DMRTB1: variants seen among roughly 807,000 people sequenced by gnomAD.
The protein encoded by DMRTB1 is doublesex- and mab-3-related transcription factor B1.
DMRTB1 carries 9 observed loss-of-function variants against 25.2 expected under a neutral mutation model. The observed-to-expected ratio is 0.36, with a 90% confidence interval of 0.22 to 0.62. The LOEUF is 0.62. DMRTB1 is among the 20% of genes least tolerant of loss of function. The pLI, the probability that DMRTB1 is intolerant of heterozygous loss-of-function variation, is 0.71. For synonymous variants in DMRTB1, 269 were observed against 238.1 expected (o/e 1.13, Z -1.20); for missense variants, 551 against 499.3 (o/e 1.10, Z -0.99).
intron 3 of DMRTB1, 36 bp downstream of exon 3, chr1:53,464,883 C>T (rs1284022788): frequency 5.6e-6 from 9 of 1,612,078 alleles, no homozygotes; most frequent in Non-Finnish European, 5.9e-6. Flanking sequence ...TCAGCGAGAG[C>T]CAGGGAGACT....
Position 53,459,465 on chromosome 1 carries a change from A to G in DMRTB1, c.12A>G (p.Lys4=). The G allele has an allele frequency of 6.2e-7, 1 of 1,613,072 alleles. No homozygotes were observed. Among genetic ancestry groups the G allele is most frequent in the Non-Finnish European group, 8.5e-7 (1 of 1,179,962 alleles). The part of the protein sequence containing the change: MAD[K]MVRTPKCSRC... ...GGCTGACCCTGCCAATGGCCGACAA[A>G]ATGGTGCGCACCCCCAAGTGCTCGA... The change falls in exon 1 of 4, where the codon AAA becomes AAG. Residue 4 remains lysine (K), a synonymous_variant. Transcript: ENST00000371445.
chr1:53,466,838 TG>T lies in DMRTB1; in HGVS notation c.*177del. The T allele has an allele frequency of 1.5e-6, 1 of 656,864 alleles. No homozygotes were observed. The highest frequency in any genetic ancestry group is 2.6e-6 in the Non-Finnish European group (1 of 381,458). The allele number at this position is 656,864 out of a possible 1,614,324, so 40.7% of individuals were successfully genotyped here. On this transcript the variant is annotated 3_prime_UTR_variant, in exon 4 of 4. Coordinates refer to ENST00000371445, the MANE Select transcript of DMRTB1 (RefSeq NM_033067.3). Reference sequence around the variant, plus strand: ...CAATTTCTAAGTTTCAATCCTGCGCTGTACAGTTGAAGAAGAGTGTGGAGGA... The same window carrying T: ...CAATTTCTAAGTTTCAATCCTGCGCTTACAGTTGAAGAAGAGTGTGGAGGA...
In DMRTB1 at chr1:53,466,641, G is replaced by A. The variant is rs202026130; in HGVS notation, c.1008G>A (p.Ser336=). 9 of 1,614,106 alleles carry A rather than the reference G, an allele frequency of 5.6e-6. No individual in the cohort carries two copies. The highest frequency in any genetic ancestry group is 5.0e-5 in the Admixed American group (3 of 60,002). The change falls in exon 4 of 4, where the codon TCG becomes TCA. Residue 336 remains serine (S), a synonymous_variant. Transcript: ENST00000371445. ...EVLSGEPSQP[S]SQEQSD ...TGTCGGGTGAGCCCAGCCAGCCATCGTCTCAGGAGCAGTCCGACTAGGCCC... is the reference window on the plus strand; with the variant it reads ...TGTCGGGTGAGCCCAGCCAGCCATCATCTCAGGAGCAGTCCGACTAGGCCC...
rs745730044 is a variant in DMRTB1, at chr1:53,459,610, C to G, written c.157C>G (p.Gln53Glu). ...ISERQKIMAA[Q>E]KVLKTQAAEE... ...CGAGCGCCAGAAGATCATGGCCGCG[C>G]AGAAGGTGCTCAAGACGCAGGCCGC... The change falls in exon 1 of 4, where the codon CAG becomes GAG. Residue 53 changes from glutamine to glutamate, a missense_variant. By Grantham distance (29) the Gln-to-Glu change is conservative (BLOSUM62 2). Transcript: ENST00000371445. 1.3e-6 allele frequency: 2 copies of G among 1,584,794 alleles called. No homozygotes were observed. The highest frequency in any genetic ancestry group is 2.3e-5 in the East Asian group (1 of 43,340).
In DMRTB1 at chr1:53,461,512, C is replaced by T; in HGVS notation, c.617C>T (p.Pro206Leu). The change falls in exon 2 of 4, where the codon CCT becomes CTT. Residue 206 changes from proline to leucine, a missense_variant. By Grantham distance (98) the Pro-to-Leu change is moderately conservative. Coordinates refer to ENST00000371445, the MANE Select transcript of DMRTB1 (RefSeq NM_033067.3). ...ATCAACCCGGACCGTGCACTGGGCC[C>T]TGAGTACCCTGGTGGCTCCAGCATG... ...LNINPDRALGPEYPGGSSMHP... is the reference protein window; with the variant it reads ...LNINPDRALGLEYPGGSSMHP... The T allele has an allele frequency of 6.2e-7, 1 of 1,610,926 alleles. No homozygotes were observed. Among genetic ancestry groups the T allele is most frequent in the Non-Finnish European group, 8.5e-7 (1 of 1,178,410 alleles).
intron 1 of DMRTB1, chr1:53,460,495 C>T (rs772566654): frequency 6.5e-6 from 1 of 154,478 alleles, no homozygotes; most frequent in Non-Finnish European, 1.4e-5. Flanking sequence ...CGGGAGGCTC[C>T]TCCCCTCAGC....
intron 1 of DMRTB1, chr1:53,460,237 G>A (rs1644011635): frequency 6.1e-6 from 4 of 658,086 alleles, no homozygotes; most frequent in Non-Finnish European, 4.7e-6. Context: ...GGAATGGGCG[G>A]TTCAGAGGGC....
chr1:53,459,904 G>A lies in DMRTB1; in HGVS notation c.451G>A (p.Ala151Thr), dbSNP rs1283342199. The A allele has an allele frequency of 1.9e-6, 3 of 1,540,440 alleles. No homozygotes were observed. Among genetic ancestry groups the A allele is most frequent in the African/African-American group, 2.8e-5 (2 of 70,704 alleles). The change falls in exon 1 of 4, where the codon GCC (alanine) becomes ACC (threonine). Residue 151 changes from alanine (A) to threonine (T), a missense_variant. Ala to Thr is a moderately conservative substitution (Grantham distance 58). Transcript: ENST00000371445. Reference protein sequence around the residue: ...RSHVEPSERAAVAMPSLAGPP... With the variant: ...RSHVEPSERATVAMPSLAGPP... ...CCACGTGGAGCCGAGCGAGCGAGCC[G>A]CCGTGGCGATGCCCAGCCTTGCGGG...
In DMRTB1 at chr1:53,466,762, T is replaced by C; in HGVS notation, c.*100T>C. ...AGTGATATGTAGGGAGGAAGGAGGT[T>C]GATAGCATAGATGGCAACTGATTCC... On this transcript the variant is annotated 3_prime_UTR_variant, in exon 4 of 4. Coordinates refer to ENST00000371445, the MANE Select transcript of DMRTB1 (RefSeq NM_033067.3). The C allele has an allele frequency of 3.2e-6, 4 of 1,235,460 alleles. No individual in the cohort carries two copies. The highest frequency in any genetic ancestry group is 4.7e-6 in the Non-Finnish European group (4 of 853,066). 76.5% of individuals were successfully genotyped at this position (1,235,460 alleles called of 1,614,324 possible). A position where few individuals can be genotyped will look rare whatever the true frequency, so the allele number is the denominator to read the frequency against.
At chr1:53,460,061 T>C in intron 1 of DMRTB1, 31 bp downstream of exon 1, 1 of 1,526,436 alleles carries the variant, frequency 6.6e-7, no homozygotes, top group Admixed American at 1.9e-5. Context: ...CGCGGTCGAC[T>C]CCCGGAGCTG....
chr1:53,463,144 C>T (rs558568186), intron 2 of DMRTB1, among the ~76,000 whole-genome samples: 2 of 152,330 alleles, frequency 1.3e-5, no homozygotes, highest in African/African-American at 4.8e-5. Flanking sequence ...CCTCTTCCAC[C>T]CTCTCAAGTC....
At chr1:53,462,038 C>T (rs1305684975) in intron 2 of DMRTB1, among the ~76,000 whole-genome samples, 1 of 152,146 alleles carries the variant, frequency 6.6e-6, no homozygotes, top group Non-Finnish European at 1.5e-5. Context: ...AGGCTCCCTG[C>T]CCACAGGTAT....
chr1:53,464,621 T>C lies in DMRTB1; in HGVS notation c.751-16T>C. 1.2e-6 allele frequency: 2 copies of C among 1,613,002 alleles called. No individual in the cohort carries two copies. Among genetic ancestry groups the C allele is most frequent in the South Asian group, 1.1e-5 (1 of 91,032 alleles). The stretch of plus-strand genomic sequence containing the variant: ...CTCTCTCTCCTCTCCGCCTCTCTGC[T>C]GTGTGTGCCGTGCAGGTGTCAGAAC... On this transcript the variant is annotated splice_polypyrimidine_tract_variant and intron_variant, in intron 2 of 3. Coordinates refer to ENST00000371445, the MANE Select transcript of DMRTB1 (RefSeq NM_033067.3).
At chr1:53,465,191 C>T (rs12036137) in intron 3 of DMRTB1, among the ~76,000 whole-genome samples, 9,190 of 152,270 alleles carry the variant, frequency 0.06, 591 homozygotes, top group East Asian at 0.31. Flanking sequence ...TGGAAGACAG[C>T]AGGCATATGG....
intron 3 of DMRTB1, among the ~76,000 whole-genome samples, chr1:53,466,098 A>T (rs77733245): frequency 0.1 from 15,389 of 152,272 alleles, 875 homozygotes; most frequent in East Asian, 0.16. Flanking sequence ...AATCTGAATC[A>T]CATGGCCAAG....
At position 53,459,421 on chromosome 1, in the gene DMRTB1, G is replaced by A. The variant is rs1644003754; in HGVS notation, c.-33G>A. 2.5e-6 allele frequency: 4 copies of A among 1,612,508 alleles called. No homozygotes were observed. The highest frequency in any genetic ancestry group is 3.4e-6 in the Non-Finnish European group (4 of 1,179,862). ...GCCACTTGCTCTGCAGCTCCCAGAG[G>A]TGGTGGTTGTGTTACGAAGGCTGAC... On this transcript the variant is annotated 5_prime_UTR_variant, in exon 1 of 4. In the 5' UTR this introduces an upstream ATG that the reference lacks. Coordinates refer to ENST00000371445, the MANE Select transcript of DMRTB1 (RefSeq NM_033067.3).
At chr1:53,462,884 A>T (rs1009102108) in intron 2 of DMRTB1, among the ~76,000 whole-genome samples, 1 of 152,360 alleles carries the variant, frequency 6.6e-6, no homozygotes, top group Middle Eastern at 3.4e-3. Context: ...AGGGAGAGCC[A>T]GGCATCTCCA....
intron 3 of DMRTB1, among the ~76,000 whole-genome samples, chr1:53,465,707 T>G (rs555846421): frequency 1.3e-5 from 2 of 152,316 alleles, no homozygotes; most frequent in South Asian, 4.1e-4. Flanking sequence ...CTAGATCCAG[T>G]AGCTGGAGAG....
Position 53,464,698 on chromosome 1 carries a change from T to C in DMRTB1, c.812T>C (p.Leu271Pro), listed in dbSNP as rs1644041181. ...SYYLPPPPPP[L>P]PPLPPLPPQP... ...TACCTGCCGCCGCCGCCGCCGCCAC[T>C]GCCGCCCCTTCCACCGCTTCCACCG... Residue 271 changes from leucine to proline, a missense_variant, in exon 3 of 4, where the codon CTG becomes CCG. Leu to Pro is a moderately conservative substitution (Grantham distance 98). Coordinates refer to ENST00000371445, the MANE Select transcript of DMRTB1 (RefSeq NM_033067.3). 6 of 1,612,820 alleles carry C rather than the reference T, an allele frequency of 3.7e-6. No homozygotes were observed. Among genetic ancestry groups the C allele is most frequent in the Non-Finnish European group, 4.2e-6 (5 of 1,179,322 alleles).
Sources: gnomAD v4.1 joint callset for allele counts (sites outside exome capture counted in the v4.1 genomes callset) on GRCh38, gnomAD v4.1.1 for gene constraint, MANE v1.5 for transcripts, NCBI Gene and HGNC (gene_info 2026-07-23, HGNC 2026-07-21) for gene names.